DHRS3: variants seen among roughly 807,000 people sequenced by gnomAD.
DHRS3 encodes the protein short-chain dehydrogenase/reductase 3.
In DHRS3, 14 loss-of-function variants were observed where a neutral mutation model predicts 27.2. The ratio of observed to expected loss-of-function variants is 0.52; its 90% CI spans 0.34 to 0.81. The LOEUF is 0.81. Among genes scored for constraint, DHRS3 ranks in the 30% least tolerant of loss-of-function variants. The pLI is 0.01. For missense variants in DHRS3, 322 were observed against 406.2 expected, an observed-to-expected ratio of 0.79 and a Z score of 1.78; for synonymous variants, 165 against 175.9, an observed-to-expected ratio of 0.94 and a Z score of 0.49.
intron 1 of DHRS3, among the ~76,000 whole-genome samples, chr1:12,598,330 G>A (rs1375626253): frequency 2.0e-5 from 3 of 151,962 alleles, no homozygotes; most frequent in East Asian, 1.9e-4. Flanking sequence ...ACCTGAGATC[G>A]CACCAATGCA....
intron 1 of DHRS3, chr1:12,596,388 G>A (rs1646797751): frequency 6.6e-6 from 1 of 152,298 alleles, no homozygotes; most frequent in South Asian, 2.1e-4. Context: ...GGAGGTGCCT[G>A]CCTTTGCTCT....
At chr1:12,602,609 C>G (rs560029860) in intron 1 of DHRS3, among the ~76,000 whole-genome samples, 1 of 152,262 alleles carries the variant, frequency 6.6e-6, no homozygotes, top group East Asian at 1.9e-4. Context: ...CACCGCCCCC[C>G]ACCCCCAGGG....
At chr1:12,617,114 C>T (rs1205951543) in intron 1 of DHRS3, 40 bp downstream of exon 1, 7 of 1,582,400 alleles carry the variant, frequency 4.4e-6, no homozygotes, top group Non-Finnish European at 6.0e-6. Context: ...TACCCCCGCC[C>T]CTGCGGCCCC....
intron 1 of DHRS3, among the ~76,000 whole-genome samples, chr1:12,583,299 A>G (rs547079683): frequency 6.9e-6 from 1 of 144,022 alleles, no homozygotes; most frequent in Non-Finnish European, 1.5e-5. Context: ...CCATTAGTCT[A>G]TCCACTCACC....
chr1:12,568,110 G>A lies in DHRS3; in HGVS notation c.*230C>T. The A allele has an allele frequency of 2.1e-6, 1 of 486,082 alleles. No homozygotes were observed. The highest frequency in any genetic ancestry group is 2.2e-5 in the South Asian group (1 of 44,666). The allele number at this position is 486,082 out of a possible 1,614,324, so 30.1% of individuals were successfully genotyped here. A position where few individuals can be genotyped will look rare whatever the true frequency, so the allele number is the denominator to read the frequency against. On this transcript the variant is annotated 3_prime_UTR_variant, in exon 6 of 6. Transcript: ENST00000616661. ...TACAGAACTGGAAATGTTCAAAAGT[G>A]TCAAGGTGGCTTCTGGCTGTTTTCC...
intron 1 of DHRS3, among the ~76,000 whole-genome samples, chr1:12,585,151 G>A (rs1016792485): frequency 6.6e-6 from 1 of 151,294 alleles, no homozygotes; most frequent in Admixed American, 6.6e-5. Flanking sequence ...GTGTCTCAGT[G>A]TGTCTCTGTG....
At chr1:12,587,356 T>C (rs1179475034) in intron 1 of DHRS3, among the ~76,000 whole-genome samples, 1 of 151,666 alleles carries the variant, frequency 6.6e-6, no homozygotes, top group African/African-American at 2.4e-5. Context: ...TTTCCCAGGC[T>C]GGTCTCAAGC....
chr1:12,579,503 T>C, intron 2 of DHRS3, 91 bp from the exon 3 acceptor site: 2 of 1,519,228 alleles, frequency 1.3e-6, no homozygotes, highest in East Asian at 2.3e-5. Flanking sequence ...TGAGATGGAG[T>C]CTCACTCTGT....
In DHRS3 at chr1:12,591,692, C is replaced by G. The variant is rs1411457232; in HGVS notation, c.196-11026G>C. On this transcript the variant is annotated intron_variant, in intron 1 of 5. Coordinates refer to ENST00000616661, the MANE Select transcript of DHRS3 (RefSeq NM_004753.7). This position sits in a 1 kb window ranked among gnomAD's most constrained non-coding sequence, Gnocchi z 4.1. The stretch of plus-strand genomic sequence containing the variant: ...GCTCATACCCGAGAAAACTGATACA[C>G]GAAGGGGCTATGTAATTCCAAGCGG... Among the ~76,000 whole-genome samples the G allele has an allele frequency of 6.6e-6, 1 of 152,198 alleles. No homozygotes were observed. The highest frequency in any genetic ancestry group is 1.5e-5 in the Non-Finnish European group (1 of 68,042).
At chr1:12,590,647 A>G (rs1646738196) in intron 1 of DHRS3, among the ~76,000 whole-genome samples, 1 of 152,138 alleles carries the variant, frequency 6.6e-6, no homozygotes, top group Non-Finnish European at 1.5e-5. Flanking sequence ...GTCGCTAAAA[A>G]AAAAAAATAG....
Position 12,567,933 on chromosome 1 carries a change from T to G in DHRS3, c.*407A>C, listed in dbSNP as rs905246742. 1 of 165,842 alleles carries G rather than the reference T, an allele frequency of 6.0e-6. No individual in the cohort carries two copies. The highest frequency in any genetic ancestry group is 1.3e-5 in the Non-Finnish European group (1 of 76,136). 10.3% of individuals were successfully genotyped at this position (165,842 alleles called of 1,614,324 possible). A position where few individuals can be genotyped will look rare whatever the true frequency, so the allele number is the denominator to read the frequency against. ...AATCACAAAAGCCATCTCTCTTTAT[T>G]TTTCATTCCTGCCGTTCAACCAGTT... On this transcript the variant is annotated 3_prime_UTR_variant, in exon 6 of 6. Coordinates refer to ENST00000616661, the MANE Select transcript of DHRS3 (RefSeq NM_004753.7).
rs1007506581 is a variant in DHRS3, at chr1:12,586,417, C to T, written c.196-5751G>A. On this transcript the variant is annotated intron_variant, in intron 1 of 5. Coordinates refer to ENST00000616661, the MANE Select transcript of DHRS3 (RefSeq NM_004753.7). The surrounding 1 kb of genome is among the most constrained non-coding windows in gnomAD (Gnocchi z 5.0). ...CGCCCCGCGTTCATCCCCACCCAGCCAGCCTTCTCCTGCTTCGTCTCCTCC... is the reference window on the plus strand; with the variant it reads ...CGCCCCGCGTTCATCCCCACCCAGCTAGCCTTCTCCTGCTTCGTCTCCTCC... Among the ~76,000 whole-genome samples, 1 of 152,094 alleles carries T rather than the reference C, an allele frequency of 6.6e-6. No homozygotes were observed. Among genetic ancestry groups the T allele is most frequent in the African/African-American group, 2.4e-5 (1 of 41,418 alleles).
Position 12,578,484 on chromosome 1 carries a change from T to A in DHRS3, c.698+234A>T, listed in dbSNP as rs1256609430. ...TGTGCATCACCATGCCCAGCTAATT[T>A]TTTATTTTTTTTAGACACAGGGTTT... On this transcript the variant is annotated intron_variant, in intron 4 of 5. Transcript: ENST00000616661. The surrounding 1 kb of genome is among the most constrained non-coding windows in gnomAD (Gnocchi z 4.5). 6.6e-6 allele frequency among the ~76,000 whole-genome samples: 1 copy of A among 152,166 alleles called. No homozygotes were observed. Among genetic ancestry groups the A allele is most frequent in the Admixed American group, 6.5e-5 (1 of 15,272 alleles).
At chr1:12,569,123 C>G (rs1196512209) in intron 5 of DHRS3, among the ~76,000 whole-genome samples, 1 of 151,932 alleles carries the variant, frequency 6.6e-6, no homozygotes, top group Non-Finnish European at 1.5e-5. Flanking sequence ...GAGACTGAGG[C>G]AGGAGAATTG....
intron 1 of DHRS3, among the ~76,000 whole-genome samples, chr1:12,588,402 G>C (rs1570376304): frequency 6.6e-6 from 1 of 152,318 alleles, no homozygotes; most frequent in East Asian, 1.9e-4. Context: ...GTAAGCCGCA[G>C]ACAGACAGTG....
At chr1:12,609,654 G>A (rs1646893788) in intron 1 of DHRS3, among the ~76,000 whole-genome samples, 1 of 152,192 alleles carries the variant, frequency 6.6e-6, no homozygotes. Flanking sequence ...CCTCCTAGCA[G>A]GTCCCCCACC....
At chr1:12,595,164 G>A (rs755447153) in intron 1 of DHRS3, among the ~76,000 whole-genome samples, 3 of 152,200 alleles carry the variant, frequency 2.0e-5, no homozygotes, top group African/African-American at 7.2e-5. Context: ...GGCTGCCCCA[G>A]CGCCTGGGAC....
rs555582982 is a variant in DHRS3, at chr1:12,580,343, A to C, written c.339+180T>G. ...AGATGATTACGCCTGTTACGTAATC[A>C]ACCCTAATCCCTGCCTATGTAACTG... On this transcript the variant is annotated intron_variant, in intron 2 of 5. Transcript: ENST00000616661. The C allele has an allele frequency of 2.4e-5, 18 of 735,978 alleles. No homozygotes were observed. In the East Asian group the frequency reaches 4.4e-4, roughly 18 times the overall value. The allele number at this position is 735,978 out of a possible 1,614,324, so 45.6% of individuals were successfully genotyped here.
rs147390617 is a variant in DHRS3, at chr1:12,617,206, C to T, written c.143G>A (p.Arg48Lys). The T allele has an allele frequency of 3.7e-6, 6 of 1,613,358 alleles. No individual in the cohort carries two copies. The highest frequency in any genetic ancestry group is 5.1e-6 in the Non-Finnish European group (6 of 1,179,898). ...GCGGGCGAGCTGACGCCCGATGCCT[C>T]TCCCGCCGCCGGTGATGAGGACGTT... ...RENVLITGGG[R>K]GIGRQLAREF... Residue 48 changes from arginine to lysine, a missense_variant, in exon 1 of 6, where the codon AGA (arginine) becomes AAA (lysine). Coordinates refer to ENST00000616661, the MANE Select transcript of DHRS3 (RefSeq NM_004753.7).
Sources: gnomAD v4.1 joint callset for allele counts (sites outside exome capture counted in the v4.1 genomes callset) on GRCh38, gnomAD v4.1.1 for gene constraint, Gnocchi (gnomAD v3.1) non-coding constraint, MANE v1.5 for transcripts, NCBI Gene and HGNC (gene_info 2026-07-23, HGNC 2026-07-21) for gene names.